TRPM7: variants seen among roughly 807,000 people sequenced by gnomAD.
The protein encoded by TRPM7 is transient receptor potential cation channel subfamily M member 7.
A neutral mutation model predicts 229.7 loss-of-function variants in TRPM7; 134 were observed. The observed-to-expected ratio is 0.58, with a 90% CI of 0.51 to 0.67. The LOEUF (loss-of-function observed/expected upper bound fraction) is 0.67. Among genes scored for constraint, TRPM7 ranks in the 30% least tolerant of loss-of-function variants. TRPM7 has a pLI of 0.00. For synonymous variants in TRPM7, 699 were observed against 715.2 expected (o/e 0.98, Z 0.36); for missense variants, 1,901 against 2,210.0 (o/e 0.86, Z 2.80).
At chr15:50,603,678 T>C (rs969627167) in intron 21 of TRPM7, among the ~76,000 whole-genome samples, 1 of 152,202 alleles carries the variant, frequency 6.6e-6, no homozygotes, top group Non-Finnish European at 1.5e-5. Context: ...TTCCATGGTG[T>C]ATACGTGCCG....
intron 36 of TRPM7, among the ~76,000 whole-genome samples, chr15:50,572,031 C>G (rs1005745388): frequency 1.2e-4 from 19 of 152,216 alleles, no homozygotes; most frequent in African/African-American, 4.6e-4. Context: ...GAGAGTGGCT[C>G]ATGCCCGTAA....
chr15:50,595,725 G>A (rs948594480), intron 23 of TRPM7, among the ~76,000 whole-genome samples: 2 of 151,984 alleles, frequency 1.3e-5, no homozygotes, highest in African/African-American at 4.8e-5. Flanking sequence ...TCAGCCAGGC[G>A]TTGTGGTGCA....
At chr15:50,564,258 T>TG in intron 38 of TRPM7, among the ~76,000 whole-genome samples, 1 of 43,854 alleles carries the variant, frequency 2.3e-5, no homozygotes, top group Admixed American at 3.5e-4. Context: ...AAAAATAAAA[T>TG]AAAATAAAAT....
intron 38 of TRPM7, among the ~76,000 whole-genome samples, chr15:50,564,622 C>G (rs1426139745): frequency 6.6e-6 from 1 of 151,662 alleles, no homozygotes; most frequent in Non-Finnish European, 1.5e-5. Context: ...TGTGTCATGG[C>G]GTAAACCCTT....
rs2060339761 is a variant in TRPM7, at chr15:50,619,850, T to A, written c.1441-52A>T. ...CTATTATTTTTCTTCTAAACTAATT[T>A]AAACCTTACAGGATTTTTATGAACC... On this transcript the variant is annotated intron_variant, in intron 12 of 38. Coordinates refer to ENST00000646667, the MANE Select transcript of TRPM7 (RefSeq NM_017672.6). 12 of 1,467,676 alleles carry A rather than the reference T, an allele frequency of 8.2e-6. No homozygotes were observed. In the African/African-American group the frequency reaches 8.5e-5, roughly 10 times the overall value. 90.9% of individuals were successfully genotyped at this position (1,467,676 alleles called of 1,614,324 possible). A position where few individuals can be genotyped will look rare whatever the true frequency, so the allele number is the denominator to read the frequency against.
At chr15:50,672,298 C>T (rs1016835205) in intron 1 of TRPM7, among the ~76,000 whole-genome samples, 8 of 151,946 alleles carry the variant, frequency 5.3e-5, no homozygotes, top group Admixed American at 3.3e-4. Flanking sequence ...TGACGTGATC[C>T]GCCCACCTTG....
At chr15:50,573,099 T>C (rs1013109185) in intron 36 of TRPM7, among the ~76,000 whole-genome samples, 21 of 152,326 alleles carry the variant, frequency 1.4e-4, no homozygotes, top group African/African-American at 4.8e-4. Context: ...TTCTTTTATA[T>C]GTATGAAACA....
chr15:50,582,981 T>A, intron 29 of TRPM7, 108 bp downstream of exon 29: 1 of 762,666 alleles, frequency 1.3e-6, no homozygotes, highest in East Asian at 3.5e-5. Context: ...TTAAGAAAAA[T>A]TTTTTTGAAT....
chr15:50,655,446 A>C (rs1017359439), intron 3 of TRPM7, among the ~76,000 whole-genome samples: 4 of 142,792 alleles, frequency 2.8e-5, no homozygotes, highest in Admixed American at 2.2e-4. Flanking sequence ...GGAAAAAAAA[A>C]ACAAAAAAAC....
intron 13 of TRPM7, among the ~76,000 whole-genome samples, chr15:50,618,768 C>A (rs896323968): frequency 3.9e-5 from 6 of 152,008 alleles, no homozygotes; most frequent in African/African-American, 1.5e-4. Context: ...CCCTCACCAC[C>A]CCCACCCAAC....
intron 8 of TRPM7, 22 bp from the exon 9 acceptor site, chr15:50,633,014 T>G (rs2060783752): frequency 1.9e-6 from 3 of 1,569,874 alleles, no homozygotes; most frequent in Non-Finnish European, 2.6e-6. Flanking sequence ...GGAAACATAA[T>G]TCACTGATTT....
intron 1 of TRPM7, among the ~76,000 whole-genome samples, chr15:50,670,883 T>C (rs1339737777): frequency 6.6e-6 from 1 of 150,656 alleles, no homozygotes; most frequent in African/African-American, 2.4e-5. Flanking sequence ...TGTCAAAACA[T>C]ATTAAGTAGG....
At chr15:50,657,924 G>T in intron 2 of TRPM7, 105 bp from the exon 3 acceptor site, 4 of 774,206 alleles carry the variant, frequency 5.2e-6, no homozygotes, top group South Asian at 2.0e-5. Flanking sequence ...TATATACCTA[G>T]TTTAATTTTT....
chr15:50,580,319 T>C (rs531323807), intron 30 of TRPM7, among the ~76,000 whole-genome samples: 1 of 152,190 alleles, frequency 6.6e-6, no homozygotes, highest in African/African-American at 2.4e-5. Context: ...ATGTCTAATA[T>C]GTACTAAAAA....
At chr15:50,647,517 G>A (rs867444475) in intron 4 of TRPM7, among the ~76,000 whole-genome samples, 2 of 152,072 alleles carry the variant, frequency 1.3e-5, no homozygotes, top group Admixed American at 6.5e-5. Context: ...AGGCCGAGGC[G>A]GGCAGATCAT....
chr15:50,616,654 T>C (rs1239887991), intron 13 of TRPM7, among the ~76,000 whole-genome samples: 1 of 150,300 alleles, frequency 6.7e-6, no homozygotes, highest in East Asian at 2.0e-4. Context: ...GTTGTACAAC[T>C]CTGAATATAG....
intron 1 of TRPM7, among the ~76,000 whole-genome samples, chr15:50,674,624 C>A (rs2062055786): frequency 6.6e-6 from 1 of 152,098 alleles, no homozygotes; most frequent in African/African-American, 2.4e-5. Flanking sequence ...TTTACATTTA[C>A]CAGTAAGTTT....
chr15:50,651,782 C>CGG (rs960436381), intron 3 of TRPM7, among the ~76,000 whole-genome samples: 2 of 151,820 alleles, frequency 1.3e-5, no homozygotes, highest in Non-Finnish European at 2.9e-5. Flanking sequence ...CCCAGCTACT[C>CGG]GGGAGGCTGA....
intron 29 of TRPM7, among the ~76,000 whole-genome samples, chr15:50,582,087 C>T (rs929600649): frequency 2.0e-5 from 3 of 152,162 alleles, no homozygotes; most frequent in East Asian, 1.9e-4. Context: ...TTCAGCCTCC[C>T]GAGTAGCTGA....
Sources: gnomAD v4.1 joint callset for allele counts (sites outside exome capture counted in the v4.1 genomes callset) on GRCh38, gnomAD v4.1.1 for gene constraint, MANE v1.5 for transcripts, NCBI Gene and HGNC (gene_info 2026-07-23, HGNC 2026-07-21) for gene names.